Variants in ERGIC2 observed in about 807,000 individuals in gnomAD.
ERGIC2 encodes endoplasmic reticulum-Golgi intermediate compartment protein 2.
A neutral mutation model predicts 52.5 loss-of-function variants in ERGIC2; 31 were observed. The ratio of observed to expected loss-of-function variants is 0.59; its 90% CI spans 0.44 to 0.80. The LOEUF is 0.80. ERGIC2 is among the 30% of genes least tolerant of loss of function. The pLI, the probability that ERGIC2 is intolerant of heterozygous loss-of-function variation, is 0.00. For synonymous variants in ERGIC2, 129 were observed against 140.6 expected (o/e 0.92, Z 0.58); for missense variants, 395 against 455.2 (o/e 0.87, Z 1.20).
chr12:29,362,065 C>T (rs563965096), intron 5 of ERGIC2, among the ~76,000 whole-genome samples: 1 of 152,156 alleles, frequency 6.6e-6, no homozygotes, highest in South Asian at 2.1e-4. Flanking sequence ...CATCCAAAGC[C>T]CAAATTCTTG....
intron 6 of ERGIC2, among the ~76,000 whole-genome samples, chr12:29,359,381 A>G (rs1940252598): frequency 6.6e-6 from 1 of 152,076 alleles, no homozygotes; most frequent in Non-Finnish European, 1.5e-5. Flanking sequence ...ACATACGTGT[A>G]TATGTATGTA....
chr12:29,371,556 A>G lies in ERGIC2; in HGVS notation c.78T>C (p.Tyr26=), dbSNP rs774682425. The change falls in exon 2 of 14, where the codon TAT becomes TAC. Residue 26 remains tyrosine, a synonymous_variant. Coordinates refer to ENST00000360150, the MANE Select transcript of ERGIC2 (RefSeq NM_016570.3). ...TACCTCCACTGGCTGAAGTCTCTACATAGCTCTCAGGAACCTTCGGAAAGG... is the reference window on the plus strand; with the variant it reads ...TACCTCCACTGGCTGAAGTCTCTACGTAGCTCTCAGGAACCTTCGGAAAGG... ...LDAFPKVPES[Y]VETSASGGTV... is the part of the protein sequence containing the mutation. 7 of 1,612,700 alleles carry G rather than the reference A, an allele frequency of 4.3e-6. No homozygotes were observed. Among genetic ancestry groups the G allele is most frequent in the South Asian group, 1.1e-5 (1 of 90,776 alleles).
At chr12:29,348,249 TA>T (rs937256562) in intron 10 of ERGIC2, among the ~76,000 whole-genome samples, 2 of 151,980 alleles carry the variant, frequency 1.3e-5, no homozygotes, top group African/African-American at 4.8e-5. Flanking sequence ...ATAACACTGC[TA>T]AAAAGTAAAG....
intron 8 of ERGIC2, among the ~76,000 whole-genome samples, chr12:29,353,068 G>T (rs1021863587): frequency 3.9e-5 from 6 of 152,096 alleles, no homozygotes; most frequent in Non-Finnish European, 8.8e-5. Flanking sequence ...GCCCTAGTAG[G>T]TCTAAACATT....
chr12:29,353,419 T>C (rs993042622), intron 8 of ERGIC2, among the ~76,000 whole-genome samples: 1 of 152,172 alleles, frequency 6.6e-6, no homozygotes, highest in African/African-American at 2.4e-5. Flanking sequence ...ATACTACACG[T>C]TGAATATCCC....
At chr12:29,343,009 ATTT>A (rs1949849817) in intron 12 of ERGIC2, 108 bp downstream of exon 12, 1 of 867,782 alleles carries the variant, frequency 1.2e-6, no homozygotes, top group Non-Finnish European at 1.7e-6. Flanking sequence ...AGCAAAAGCT[ATTT>A]AAACACCGAA....
Position 29,376,407 on chromosome 12 carries a change from C to G in ERGIC2, c.-38+4708G>C, listed in dbSNP as rs543708538. 3.9e-5 allele frequency among the ~76,000 whole-genome samples: 6 copies of G among 152,210 alleles called. No homozygotes were observed. In the East Asian group the frequency reaches 7.7e-4, roughly 20 times the overall value. On this transcript the variant is annotated intron_variant, in intron 1 of 13. Transcript: ENST00000360150. ...CAGATCATTCAATATGCTTCTCCCC[C>G]ACTCCATTATCATCCTTTGGAATTC...
rs1949815565 is a variant in ERGIC2, at chr12:29,338,687, G to A, written c.*2469C>T. The A allele has an allele frequency of 6.6e-6, 1 of 151,948 alleles. No homozygotes were observed. The highest frequency in any genetic ancestry group is 1.5e-5 in the Non-Finnish European group (1 of 67,992). 9.4% of individuals were successfully genotyped at this position (151,948 alleles called of 1,614,324 possible). On this transcript the variant is annotated 3_prime_UTR_variant, in exon 14 of 14. Transcript: ENST00000360150. ...AGGGAATTTTGCAATACTAAGTTAA[G>A]CTTTTCCTAAGAGGTAGTCTGAAGT...
intron 1 of ERGIC2, among the ~76,000 whole-genome samples, chr12:29,377,073 C>T (rs76848424): frequency 6.6e-6 from 1 of 152,050 alleles, no homozygotes; most frequent in African/African-American, 2.4e-5. Context: ...CCACACGGCC[C>T]GCCCCTCTCA....
intron 5 of ERGIC2, among the ~76,000 whole-genome samples, chr12:29,363,794 A>T (rs893534846): frequency 1.3e-5 from 2 of 150,638 alleles, no homozygotes; most frequent in Non-Finnish European, 3.0e-5. Flanking sequence ...TAAGAGATGT[A>T]GGGGGAAAAA....
intron 13 of ERGIC2, 87 bp from the exon 14 acceptor site, chr12:29,341,305 CA>C: frequency 9.5e-7 from 1 of 1,051,036 alleles, no homozygotes; most frequent in Non-Finnish European, 1.4e-6. Flanking sequence ...TTATTTTGGG[CA>C]ATCCTTTCTA....
At chr12:29,361,064 T>A (rs1209977361) in intron 6 of ERGIC2, among the ~76,000 whole-genome samples, 1 of 152,140 alleles carries the variant, frequency 6.6e-6, no homozygotes, top group Admixed American at 6.6e-5. Flanking sequence ...CTAGTCAACA[T>A]GGTGAAACCC....
chr12:29,380,224 C>G (rs1565548176), intron 1 of ERGIC2, among the ~76,000 whole-genome samples: 1 of 152,018 alleles, frequency 6.6e-6, no homozygotes, highest in Admixed American at 6.5e-5. Context: ...TGTCTTTTTT[C>G]AGTGAACAAG....
At chr12:29,371,991 A>C (rs982868767) in intron 1 of ERGIC2, among the ~76,000 whole-genome samples, 3 of 152,170 alleles carry the variant, frequency 2.0e-5, no homozygotes, top group African/African-American at 7.2e-5. Context: ...TATAAAAATA[A>C]TACACTTCCA....
Position 29,338,914 on chromosome 12 carries a change from C to G in ERGIC2, c.*2242G>C, listed in dbSNP as rs888108499. 8 of 152,058 alleles carry G rather than the reference C, an allele frequency of 5.3e-5. No homozygotes were observed. The highest frequency in any genetic ancestry group is 2.0e-4 in the Admixed American group (3 of 15,272). The allele number at this position is 152,058 out of a possible 1,614,324, so 9.4% of individuals were successfully genotyped here. A position where few individuals can be genotyped will look rare whatever the true frequency, so the allele number is the denominator to read the frequency against. ...AGAATTGGGTAACAAAGTAGGGTATCCTGGCTGGAGGCACCTCCAGGCATA... is the reference window on the plus strand; with the variant it reads ...AGAATTGGGTAACAAAGTAGGGTATGCTGGCTGGAGGCACCTCCAGGCATA... On this transcript the variant is annotated 3_prime_UTR_variant, in exon 14 of 14. Coordinates refer to ENST00000360150, the MANE Select transcript of ERGIC2 (RefSeq NM_016570.3).
intron 6 of ERGIC2, among the ~76,000 whole-genome samples, chr12:29,359,527 A>ATT (rs1940254732): frequency 6.6e-6 from 1 of 152,014 alleles, no homozygotes; most frequent in African/African-American, 2.4e-5. Flanking sequence ...TAAAAATACA[A>ATT]TCTCTTCTCC....
rs562142617 is a variant in ERGIC2, at chr12:29,365,589, T to C, written c.333+1288A>G. ...TACTCAGGTAACAAACCTTCACATGTACTCCATGAATCTAAACTAAAAGTT... is the reference window on the plus strand; with the variant it reads ...TACTCAGGTAACAAACCTTCACATGCACTCCATGAATCTAAACTAAAAGTT... On this transcript the variant is annotated intron_variant, in intron 5 of 13. Transcript: ENST00000360150. Among the ~76,000 whole-genome samples, 5 of 151,758 alleles carry C rather than the reference T, an allele frequency of 3.3e-5. 1 individual carries two copies. The highest frequency in any genetic ancestry group is 1.2e-4 in the African/African-American group (5 of 41,428).
At chr12:29,351,341 A>G (rs1940127391) in intron 8 of ERGIC2, among the ~76,000 whole-genome samples, 2 of 152,192 alleles carry the variant, frequency 1.3e-5, no homozygotes, top group Non-Finnish European at 2.9e-5. Context: ...ACCATCAGTT[A>G]TAATACATTT....
chr12:29,368,070 G>GA (rs1940389580), intron 4 of ERGIC2, among the ~76,000 whole-genome samples, 171 bp downstream of exon 4: 1 of 151,732 alleles, frequency 6.6e-6, no homozygotes, highest in Non-Finnish European at 1.5e-5. Flanking sequence ...AAAGAAACTT[G>GA]AAGAATATAA....
Sources: gnomAD v4.1 joint callset for allele counts (sites outside exome capture counted in the v4.1 genomes callset) on GRCh38, gnomAD v4.1.1 for gene constraint, MANE v1.5 for transcripts, NCBI Gene and HGNC (gene_info 2026-07-23, HGNC 2026-07-21) for gene names.